Variants in TET3 observed in about 807,000 individuals in gnomAD.
TET3 encodes methylcytosine dioxygenase TET3.
TET3 carries 19 observed loss-of-function variants against 141.4 expected under a neutral mutation model. The observed-to-expected ratio is 0.13, with a 90% CI of 0.09 to 0.20. The LOEUF (loss-of-function observed/expected upper bound fraction) is 0.20. Ranked by LOEUF, TET3 falls within the 10% of genes least tolerant of loss-of-function variation. The probability of loss-of-function intolerance (pLI) is 1.00; values close to 1 mark genes in which losing one functional copy is unlikely to be tolerated. For missense variants in TET3, 1,874 were observed against 2,356.9 expected, an observed-to-expected ratio of 0.80 and a Z score of 4.24; for synonymous variants, 1,043 against 980.9, an observed-to-expected ratio of 1.06 and a Z score of -1.18.
At chr2:74,007,073 A>G (rs1007664735) in intron 3 of TET3, among the ~76,000 whole-genome samples, 1 of 152,320 alleles carries the variant, frequency 6.6e-6, no homozygotes, top group Non-Finnish European at 1.5e-5. Flanking sequence ...AAGAGAAATC[A>G]TTATTATTTG....
the TET3 span, among the ~76,000 whole-genome samples, chr2:74,127,155 A>G: frequency 6.6e-6 from 1 of 152,172 alleles, no homozygotes; most frequent in African/African-American, 2.4e-5. Context: ...ATAAACTCAA[A>G]TGAGGGGATC....
chr2:74,103,726 G>GAC lies in TET3; in HGVS notation c.*1550_*1551insAC. 6.5e-6 allele frequency: 1 copy of GAC among 153,536 alleles called. No homozygotes were observed. Among genetic ancestry groups the GAC allele is most frequent in the East Asian group, 1.9e-4 (1 of 5,196 alleles). The allele number at this position is 153,536 out of a possible 1,614,324, so 9.5% of individuals were successfully genotyped here. On this transcript the variant is annotated 3_prime_UTR_variant, in exon 12 of 12. Coordinates refer to ENST00000409262, the MANE Select transcript of TET3 (RefSeq NM_001287491.2). ...ACTCATCATCACCAAGTCAAACTTT[G>GAC]TTGGAGTGTTGGTTTTTCTTGTGAT...
chr2:74,073,017 C>T (rs183821258), intron 4 of TET3, among the ~76,000 whole-genome samples: 11 of 152,302 alleles, frequency 7.2e-5, no homozygotes, highest in African/African-American at 2.4e-4. Flanking sequence ...ATGTTGTTTT[C>T]ACCTTTTAGT....
In TET3 at chr2:74,047,685, G is replaced by T. The variant is rs72816199; in HGVS notation, c.1768G>T (p.Val590Leu). 5.6e-6 allele frequency: 9 copies of T among 1,613,192 alleles called. No homozygotes were observed. Among genetic ancestry groups the T allele is most frequent in the Admixed American group, 1.7e-5 (1 of 59,894 alleles). Residue 590 changes from valine (V) to leucine (L), a missense_variant, in exon 4 of 12, where the codon GTG (valine) becomes TTG (leucine). Val to Leu is a conservative substitution (Grantham distance 32, BLOSUM62 1). Transcript: ENST00000409262. ...KKLPTPAGGP[V>L]GTEKAAPGIK... Reference sequence around the variant, plus strand: ...GCTCCCAACACCAGCTGGAGGTCCCGTGGGAACGGAGAAAGCTGCCCCTGG... The same window carrying T: ...GCTCCCAACACCAGCTGGAGGTCCCTTGGGAACGGAGAAAGCTGCCCCTGG...
At chr2:74,037,950 T>G (rs1687153635) in intron 3 of TET3, among the ~76,000 whole-genome samples, 2 of 152,160 alleles carry the variant, frequency 1.3e-5, no homozygotes, top group Non-Finnish European at 2.9e-5. Flanking sequence ...ACGAGGTGTT[T>G]GGGGAGTGGC....
chr2:74,116,012 C>CAA, the TET3 span, among the ~76,000 whole-genome samples: 934 of 84,416 alleles, frequency 0.011, 22 homozygotes, highest in African/African-American at 0.032. Context: ...GATCTGGTCT[C>CAA]AAAAAAAAAA....
intron 2 of TET3, among the ~76,000 whole-genome samples, chr2:73,990,817 A>G (rs527569270): frequency 1.3e-5 from 2 of 152,180 alleles, no homozygotes; most frequent in Admixed American, 6.5e-5. Context: ...TGGTAGTTCT[A>G]TCTTCCTGAA....
chr2:74,119,352 C>CA, the TET3 span, among the ~76,000 whole-genome samples: 3,574 of 107,504 alleles, frequency 0.033, 69 homozygotes, highest in Middle Eastern at 0.079. Context: ...GACTCTATCT[C>CA]AAAAAAAAAA....
chr2:73,984,214 G>A (rs1449208031), upstream of TET3, among the ~76,000 whole-genome samples: 1 of 152,248 alleles, frequency 6.6e-6, no homozygotes, highest in Non-Finnish European at 1.5e-5. This position sits in a 1 kb window ranked among gnomAD's most constrained non-coding sequence, Gnocchi z 5.6. Context: ...GCAGGGCGGG[G>A]GTATCGGATT....
chr2:74,027,109 A>G (rs1284487910), intron 3 of TET3, among the ~76,000 whole-genome samples: 1 of 152,204 alleles, frequency 6.6e-6, no homozygotes, highest in African/African-American at 2.4e-5. Flanking sequence ...AACGAGTTGC[A>G]GAGAATGAAT....
At chr2:74,061,965 C>A (rs1573824184) in intron 4 of TET3, among the ~76,000 whole-genome samples, 1 of 151,702 alleles carries the variant, frequency 6.6e-6, no homozygotes, top group South Asian at 2.1e-4. Flanking sequence ...GGGCTCCTCA[C>A]GTCCCAGACA....
At chr2:74,059,083 A>C (rs1220570806) in intron 4 of TET3, among the ~76,000 whole-genome samples, 1 of 152,144 alleles carries the variant, frequency 6.6e-6, no homozygotes, top group Non-Finnish European at 1.5e-5. Flanking sequence ...CCCCTGTCCT[A>C]AGGTAACTAT....
chr2:74,034,838 C>T (rs1294064746), intron 3 of TET3, among the ~76,000 whole-genome samples: 1 of 152,138 alleles, frequency 6.6e-6, no homozygotes, highest in East Asian at 1.9e-4. Flanking sequence ...TAAAAGGTAG[C>T]ACCACAAACC....
chr2:74,027,991 CTTT>C (rs936974587), intron 3 of TET3, among the ~76,000 whole-genome samples: 1 of 149,898 alleles, frequency 6.7e-6, no homozygotes. Context: ...GTTTTTTTCA[CTTT>C]TTTTTTAAGA....
chr2:74,003,502 T>G (rs1264895220), intron 3 of TET3, among the ~76,000 whole-genome samples: 1 of 121,944 alleles, frequency 8.2e-6, no homozygotes, highest in Admixed American at 1.0e-4. Flanking sequence ...AGAATGTCCC[T>G]GGCACTGTTG....
intron 5 of TET3, among the ~76,000 whole-genome samples, chr2:74,074,258 G>T (rs987578205): frequency 6.6e-6 from 1 of 152,178 alleles, no homozygotes; most frequent in African/African-American, 2.4e-5. Context: ...CCTTTTATTG[G>T]AGGAAAAGGT....
intron 5 of TET3, among the ~76,000 whole-genome samples, chr2:74,078,528 T>C (rs1288097489): frequency 6.6e-6 from 1 of 152,234 alleles, no homozygotes. Flanking sequence ...TTGATATTTT[T>C]TGTGAAATTT....
chr2:74,016,017 A>G (rs1352565520), intron 3 of TET3, among the ~76,000 whole-genome samples: 5 of 152,112 alleles, frequency 3.3e-5, no homozygotes, highest in South Asian at 4.1e-4. Flanking sequence ...TTGATCCACA[A>G]AAGTTCTTAA....
chr2:74,116,986 G>A, the TET3 span, among the ~76,000 whole-genome samples: 21 of 152,202 alleles, frequency 1.4e-4, no homozygotes, highest in African/African-American at 4.3e-4. Context: ...AGGGAACTCA[G>A]GGAAGCACCT....
Sources: gnomAD v4.1 joint callset for allele counts (sites outside exome capture counted in the v4.1 genomes callset) on GRCh38, gnomAD v4.1.1 for gene constraint, Gnocchi (gnomAD v3.1) non-coding constraint, MANE v1.5 for transcripts, NCBI Gene and HGNC (gene_info 2026-07-23, HGNC 2026-07-21) for gene names.